The following SACS variants were observed in gnomAD, a reference collection of about 807,000 sequenced individuals.
SACS encodes the protein sacsin.
A neutral mutation model predicts 348.0 loss-of-function variants in SACS; 197 were observed. That is an observed-to-expected ratio of 0.57 (90% CI 0.50 to 0.64). The LOEUF (loss-of-function observed/expected upper bound fraction) is 0.64. Ranked by LOEUF, SACS falls within the 30% of genes least tolerant of loss-of-function variation. SACS has a pLI of 0.00. For missense variants in SACS, 4,999 were observed against 5,360.8 expected (o/e 0.93, Z 2.11); for synonymous variants, 1,985 against 1,910.6 (o/e 1.04, Z -1.02).
intron 1 of SACS, among the ~76,000 whole-genome samples, chr13:23,419,655 G>A (rs916359642): frequency 2.6e-5 from 4 of 152,108 alleles, no homozygotes; most frequent in African/African-American, 7.2e-5. Context: ...CGTCTTCTAT[G>A]CAAAGCCTGT....
intron 9 of SACS, among the ~76,000 whole-genome samples, chr13:23,343,810 CCTA>C (rs1405615188): frequency 3.3e-5 from 5 of 152,138 alleles, no homozygotes; most frequent in African/African-American, 1.2e-4. Flanking sequence ...ATTTCAGAGG[CCTA>C]CGTATAAAAA....
Position 23,332,897 on chromosome 13 carries a change from G to A in SACS, c.10979C>T (p.Pro3660Leu). 6.2e-7 allele frequency: 1 copy of A among 1,613,866 alleles called. No homozygotes were observed. The highest frequency in any genetic ancestry group is 8.5e-7 in the Non-Finnish European group (1 of 1,179,916). ...AGGATGAAATCTAATGAATTCCGCG[G>A]GGGCCCGCTCAGGACATAAGAATGG... ...LIPFLCPERA[P>L]AEFIRFHPQY... The change falls in exon 10 of 10, where the codon CCC becomes CTC. Residue 3660 changes from proline (P) to leucine (L), a missense_variant. By Grantham distance (98) the Pro-to-Leu change is moderately conservative. Coordinates refer to ENST00000382292, the MANE Select transcript of SACS (RefSeq NM_014363.6).
At chr13:23,346,922 A>C in intron 9 of SACS, 1 of 390,752 alleles carries the variant, frequency 2.6e-6, no homozygotes, top group Non-Finnish European at 3.5e-6. Context: ...CTGTATCTTA[A>C]GATACTGCTG....
rs781506252 is a variant in SACS, at chr13:23,332,987, T to C, written c.10889A>G (p.His3630Arg). Residue 3630 changes from histidine to arginine, a missense_variant, in exon 10 of 10, where the codon CAT (histidine) becomes CGT (arginine). By Grantham distance (29) the His-to-Arg change is conservative. This residue lies in a region of SACS where 831 missense variants were observed against 941.8 expected (regional missense o/e 0.88). Transcript: ENST00000382292. Reference sequence around the variant, plus strand: ...ATCCATTCGTTCTTGGAATATATGATGCAGAAGGATATCAACTGTATTTTG... The same window carrying C: ...ATCCATTCGTTCTTGGAATATATGACGCAGAAGGATATCAACTGTATTTTG... ...TLQNTVDILL[H>R]HIFQERMDLL... The C allele has an allele frequency of 1.2e-6, 2 of 1,613,920 alleles. No homozygotes were observed. The highest frequency in any genetic ancestry group is 1.7e-6 in the Non-Finnish European group (2 of 1,179,904).
intron 9 of SACS, among the ~76,000 whole-genome samples, chr13:23,345,459 T>C (rs1303053578): frequency 6.6e-6 from 1 of 152,204 alleles, no homozygotes; most frequent in African/African-American, 2.4e-5. Context: ...TTAGCCCCAG[T>C]GACCACATTT....
Position 23,336,795 on chromosome 13 carries a change from A to C in SACS, c.7081T>G (p.Phe2361Val). ...NAYVDSEKVS[F>V]HLNFEAAPYL... Reference sequence around the variant, plus strand: ...GGTGCCGCCTCAAAATTTAAATGAAAAGAAACCTTTTCTGAGTCAACATAT... The same window carrying C: ...GGTGCCGCCTCAAAATTTAAATGAACAGAAACCTTTTCTGAGTCAACATAT... The change falls in exon 10 of 10, where the codon TTT becomes GTT. Residue 2361 changes from phenylalanine to valine, a missense_variant. By Grantham distance (50) the Phe-to-Val change is conservative. Coordinates refer to ENST00000382292, the MANE Select transcript of SACS (RefSeq NM_014363.6). 6.2e-7 allele frequency: 1 copy of C among 1,613,890 alleles called. No individual in the cohort carries two copies. Among genetic ancestry groups the C allele is most frequent in the Non-Finnish European group, 8.5e-7 (1 of 1,179,842 alleles).
intron 1 of SACS, among the ~76,000 whole-genome samples, chr13:23,426,379 G>A (rs1278886554): frequency 1.3e-5 from 2 of 152,134 alleles, no homozygotes; most frequent in African/African-American, 2.4e-5. Flanking sequence ...AGTGGCCCAC[G>A]CCTGTAATCC....
intron 2 of SACS, among the ~76,000 whole-genome samples, chr13:23,377,198 A>G (rs1231412792): frequency 1.3e-5 from 2 of 152,150 alleles, no homozygotes; most frequent in African/African-American, 4.8e-5. Flanking sequence ...AATGTTCTGG[A>G]ATTAGTAGTG....
Position 23,331,548 on chromosome 13 carries a change from T to C in SACS, c.12328A>G (p.Thr4110Ala), listed in dbSNP as rs762807962. The change falls in exon 10 of 10, where the codon ACT becomes GCT. Residue 4110 changes from threonine to alanine, a missense_variant. Physicochemically the swap from Thr to Ala is moderately conservative, Grantham distance 58 (BLOSUM62 0). This residue lies in a region of SACS where 831 missense variants were observed against 941.8 expected (regional missense o/e 0.88). Transcript: ENST00000382292. The part of the protein sequence containing the change: ...LALAMTLKSA[T>A]DNLISDTSYL... ...GAAGTGTCAGAAATCAAATTGTCAG[T>C]TGCTGATTTAAGAGTCATTGCCAAT... 10 of 1,613,776 alleles carry C rather than the reference T, an allele frequency of 6.2e-6. No individual in the cohort carries two copies. In the Admixed American group the frequency reaches 1.5e-4, roughly 24 times the overall value.
Position 23,339,115 on chromosome 13 carries a change from ATGATT to A in SACS, c.4756_4760del (p.Asn1586TyrfsTer3), listed in dbSNP as rs765361868. The A allele has an allele frequency of 1.3e-5, 21 of 1,610,952 alleles. No individual in the cohort carries two copies. Among genetic ancestry groups the A allele is most frequent in the Non-Finnish European group, 1.5e-5 (18 of 1,178,282 alleles). On this transcript the variant is annotated frameshift_variant, in exon 10 of 10. Coordinates refer to ENST00000382292, the MANE Select transcript of SACS (RefSeq NM_014363.6). LOFTEE classifies it high-confidence loss of function. ...ATTTGTCTTTAATGTGTTTACTGAT[ATGATT>A]TATGTTTGGATCGAACATTATCATG...
Position 23,337,886 on chromosome 13 carries a change from G to C in SACS, c.5990C>G (p.Ser1997Cys), listed in dbSNP as rs1868797833. Residue 1997 changes from serine to cysteine, a missense_variant, in exon 10 of 10, where the codon TCT (serine) becomes TGT (cysteine). This residue lies in a region of SACS where 3,156 missense variants were observed against 3,380.1 expected (regional missense o/e 0.93). Coordinates refer to ENST00000382292, the MANE Select transcript of SACS (RefSeq NM_014363.6). ...SMKNVRFLDD[S>C]ILKRRDVGSA... ...ACCAACATCTCTTCTTTTAAGTATAGAGTCATCTAGAAATCTTACGTTCTT... is the reference window on the plus strand; with the variant it reads ...ACCAACATCTCTTCTTTTAAGTATACAGTCATCTAGAAATCTTACGTTCTT... The C allele has an allele frequency of 1.9e-6, 3 of 1,613,644 alleles. No homozygotes were observed. The highest frequency in any genetic ancestry group is 1.3e-5 in the African/African-American group (1 of 74,910).
At chr13:23,375,087 A>G in intron 3 of SACS, 32 bp downstream of exon 3, 1 of 1,460,160 alleles carries the variant, frequency 6.8e-7, no homozygotes. Context: ...CGCGTGGCGG[A>G]GCCCAGCCCA....
chr13:23,344,445 G>A (rs1393836601), intron 9 of SACS, among the ~76,000 whole-genome samples: 1 of 151,802 alleles, frequency 6.6e-6, no homozygotes. Context: ...ATGCTCAACG[G>A]AAAAAAACAT....
chr13:23,366,570 A>G lies in SACS; in HGVS notation c.346-1293T>C, dbSNP rs143122983. On this transcript the variant is annotated intron_variant, in intron 5 of 9. Transcript: ENST00000382292. Reference sequence around the variant, plus strand: ...AAATAAGAATTAAATAGGTAGTGAAAAACAATGTTAACTTACAAAATGATA... The same window carrying G: ...AAATAAGAATTAAATAGGTAGTGAAGAACAATGTTAACTTACAAAATGATA... Among the ~76,000 whole-genome samples, 305 of 152,342 alleles carry G rather than the reference A, an allele frequency of 2.0e-3. 3 individuals carry two copies. The highest frequency in any genetic ancestry group is 0.014 in the Middle Eastern group (4 of 294).
chr13:23,356,430 G>A (rs1241727805), intron 7 of SACS, among the ~76,000 whole-genome samples: 1 of 152,220 alleles, frequency 6.6e-6, no homozygotes, highest in Admixed American at 6.5e-5. Flanking sequence ...AGGTGACTCT[G>A]CCCACTGTGT....
chr13:23,404,374 C>A (rs1873114424), intron 2 of SACS, among the ~76,000 whole-genome samples: 1 of 152,172 alleles, frequency 6.6e-6, no homozygotes, highest in Non-Finnish European at 1.5e-5. Flanking sequence ...ATTCAACACT[C>A]CTTCATGCTA....
chr13:23,417,849 C>G (rs920904162), intron 1 of SACS, among the ~76,000 whole-genome samples: 9 of 151,950 alleles, frequency 5.9e-5, no homozygotes, highest in African/African-American at 2.2e-4. Flanking sequence ...CAGGCGGAAC[C>G]CCTGAGCTCA....
chr13:23,376,606 G>T (rs1279265607), intron 2 of SACS, among the ~76,000 whole-genome samples: 2 of 152,114 alleles, frequency 1.3e-5, no homozygotes, highest in Non-Finnish European at 2.9e-5. Flanking sequence ...TTCTACAGCT[G>T]TTCCATCTCT....
At position 23,338,433 on chromosome 13, in the gene SACS, A is replaced by G. The variant is rs117929959; in HGVS notation, c.5443T>C (p.Cys1815Arg). 1.9e-6 allele frequency: 3 copies of G among 1,613,942 alleles called. No individual in the cohort carries two copies. The East Asian group carries it at 6.7e-5, about 36-fold the overall frequency. ...CAAGTACACAGAAGCCACGTGGTAC[A>G]CTCTACTGTTTTCTGTGACAACTCA... Reference protein sequence around the residue: ...SDELSQKTVECTTWLLCTCMD... With the variant: ...SDELSQKTVERTTWLLCTCMD... Residue 1815 changes from cysteine to arginine, a missense_variant, in exon 10 of 10, where the codon TGT (cysteine) becomes CGT (arginine). By Grantham distance (180) the Cys-to-Arg change is radical (BLOSUM62 -3). Around this residue, in one of 6 missense-constraint regions of SACS, gnomAD observed 3,156 missense variants for 3,380.1 expected, o/e 0.93. Transcript: ENST00000382292.
Sources: allele counts gnomAD v4.1 joint callset (sites outside exome capture counted in the v4.1 genomes callset), GRCh38; gene constraint gnomAD v4.1.1; regional missense constraint gnomAD v4.1.1; transcripts MANE v1.5; gene names NCBI Gene and HGNC (gene_info 2026-07-23, HGNC 2026-07-21).